DAB1: variants seen among roughly 807,000 people sequenced by gnomAD.
DAB1 encodes the protein disabled homolog 1.
A neutral mutation model predicts 64.6 loss-of-function variants in DAB1; 15 were observed. The observed-to-expected ratio is 0.23, with a 90% CI of 0.16 to 0.36. The LOEUF (loss-of-function observed/expected upper bound fraction) is 0.36. DAB1 is among the 10% of genes least tolerant of loss of function. The pLI, the probability that DAB1 is intolerant of heterozygous loss-of-function variation, is 1.00. For missense variants in DAB1, 596 were observed against 706.7 expected, an observed-to-expected ratio of 0.84 and a Z score of 1.78; for synonymous variants, 235 against 251.9, an observed-to-expected ratio of 0.93 and a Z score of 0.64.
chr1:57,644,083 C>T (rs1310445048), intron 7 of DAB1, among the ~76,000 whole-genome samples: 1 of 152,138 alleles, frequency 6.6e-6, no homozygotes, highest in Admixed American at 6.5e-5. Flanking sequence ...AGAATCAAGG[C>T]ATTATCTTCG....
At chr1:57,332,745 G>T (rs532289381) in intron 1 of DAB1, among the ~76,000 whole-genome samples, 2 of 152,246 alleles carry the variant, frequency 1.3e-5, no homozygotes, top group South Asian at 2.1e-4. Context: ...TTAAAAAAAT[G>T]GAGACTGAGG....
In DAB1 at chr1:57,914,178, A is replaced by G. The variant is rs552024241; in HGVS notation, n.388-30016T>C. 2.9e-3 allele frequency among the ~76,000 whole-genome samples: 443 copies of G among 152,330 alleles called. 1 individual carries two copies. Among genetic ancestry groups the G allele is most frequent in the African/African-American group, 0.01 (428 of 41,554 alleles). ...TATTGCGGCACTATTCACAATAGCA[A>G]AGACTTGGAACCAACCCAAATGTCC... is the stretch of plus-strand genomic sequence containing the variant. On this transcript the variant is annotated intron_variant and non_coding_transcript_variant, in intron 5 of 20. Transcript: ENST00000485760.
chr1:57,479,970 G>A (rs903776660), intron 7 of DAB1, among the ~76,000 whole-genome samples: 28 of 151,776 alleles, frequency 1.8e-4, no homozygotes, highest in African/African-American at 6.8e-4. Flanking sequence ...TGGCTAACAC[G>A]GTGAAACCCC....
At chr1:57,018,333 A>G (rs1268416253) in intron 11 of DAB1, among the ~76,000 whole-genome samples, 1 of 152,176 alleles carries the variant, frequency 6.6e-6, no homozygotes, top group Non-Finnish European at 1.5e-5. Flanking sequence ...TGTGGCTTTC[A>G]GTAGTGATTC....
intron 6 of DAB1, among the ~76,000 whole-genome samples, chr1:57,744,412 G>A (rs1189059960): frequency 8.1e-5 from 12 of 147,544 alleles, no homozygotes; most frequent in African/African-American, 3.0e-4. Context: ...AGGGTCAAGA[G>A]AAACCATTTG....
intron 1 of DAB1, among the ~76,000 whole-genome samples, chr1:57,323,321 GAAGGC>G (rs952342460): frequency 9.2e-5 from 14 of 152,162 alleles, no homozygotes; most frequent in African/African-American, 3.4e-4. Flanking sequence ...GAAGGCCAAG[GAAGGC>G]TTCCCAAAAC....
chr1:57,254,165 A>G (rs1380055232), intron 2 of DAB1, among the ~76,000 whole-genome samples: 1 of 152,194 alleles, frequency 6.6e-6, no homozygotes, highest in Admixed American at 6.5e-5. Flanking sequence ...CCAGCTTCCT[A>G]ACGGTTTCCA....
intron 6 of DAB1, among the ~76,000 whole-genome samples, chr1:57,696,705 C>T (rs1173294055): frequency 6.6e-6 from 1 of 152,184 alleles, no homozygotes; most frequent in African/African-American, 2.4e-5. Context: ...ATGTACTCTA[C>T]ACAAGCGTGA....
intron 5 of DAB1, among the ~76,000 whole-genome samples, chr1:58,004,728 C>T (rs568457870): frequency 6.6e-6 from 1 of 152,110 alleles, no homozygotes; most frequent in Admixed American, 6.6e-5. Context: ...CCCAAACACA[C>T]GCACGTGCCC....
At chr1:57,951,818 T>G (rs921457693) in intron 5 of DAB1, among the ~76,000 whole-genome samples, 1 of 152,126 alleles carries the variant, frequency 6.6e-6, no homozygotes, top group Admixed American at 6.6e-5. Context: ...CATATATTCC[T>G]TGGGTATATA....
intron 2 of DAB1, among the ~76,000 whole-genome samples, chr1:57,270,372 G>A (rs935882350): frequency 5.9e-5 from 9 of 152,172 alleles, no homozygotes; most frequent in Admixed American, 5.9e-4. Flanking sequence ...TTTATTTAAA[G>A]TTACTCCATT....
intron 7 of DAB1, among the ~76,000 whole-genome samples, chr1:57,583,294 T>C (rs1229685713): frequency 4.0e-5 from 6 of 150,300 alleles, no homozygotes; most frequent in South Asian, 2.1e-4. Flanking sequence ...TCTTTTCTTT[T>C]TTTTTTTTTT....
intron 4 of DAB1, among the ~76,000 whole-genome samples, chr1:58,196,181 A>G (rs1302820418): frequency 6.6e-6 from 1 of 152,218 alleles, no homozygotes; most frequent in Non-Finnish European, 1.5e-5. Context: ...AAGCTGAGAA[A>G]GGTATTACAA....
chr1:57,206,431 C>T (rs1303654085), intron 2 of DAB1, among the ~76,000 whole-genome samples: 3 of 152,186 alleles, frequency 2.0e-5, no homozygotes, highest in Non-Finnish European at 4.4e-5. Context: ...TGGAAACAGT[C>T]TATGATTCTA....
intron 3 of DAB1, among the ~76,000 whole-genome samples, chr1:58,387,884 G>A (rs542484655): frequency 2.0e-5 from 3 of 151,788 alleles, no homozygotes; most frequent in Non-Finnish European, 4.4e-5. Flanking sequence ...CCGCCACCAC[G>A]CCTGGTTAAT....
At chr1:57,511,951 A>G (rs574305052) in intron 7 of DAB1, among the ~76,000 whole-genome samples, 4 of 152,308 alleles carry the variant, frequency 2.6e-5, no homozygotes, top group Admixed American at 2.6e-4. Context: ...ACAATCACTG[A>G]TTTTTTAAAG....
At chr1:57,916,280 G>T (rs1024833404) in intron 5 of DAB1, among the ~76,000 whole-genome samples, 16 of 152,140 alleles carry the variant, frequency 1.1e-4, no homozygotes, top group African/African-American at 3.9e-4. Flanking sequence ...CCCAGACAAT[G>T]AAATTACCAT....
intron 4 of DAB1, among the ~76,000 whole-genome samples, chr1:58,169,040 C>T (rs1369561258): frequency 6.6e-6 from 1 of 152,194 alleles, no homozygotes; most frequent in Non-Finnish European, 1.5e-5. Flanking sequence ...AGGAGGAAAA[C>T]TAGTGTTTCT....
intron 5 of DAB1, among the ~76,000 whole-genome samples, chr1:57,925,891 T>G (rs1644872026): frequency 6.6e-6 from 1 of 152,192 alleles, no homozygotes; most frequent in East Asian, 1.9e-4. Context: ...AAGGCTTGAT[T>G]TAAACAGGTC....
Sources: gnomAD v4.1 joint callset for allele counts (sites outside exome capture counted in the v4.1 genomes callset) on GRCh38, gnomAD v4.1.1 for gene constraint, MANE v1.5 for transcripts, NCBI Gene and HGNC (gene_info 2026-07-23, HGNC 2026-07-21) for gene names.